Variants in GRAP2 observed in about 807,000 individuals in gnomAD.
GRAP2 encodes GRB2 related adaptor protein 2, also known as GRB2-related adapter protein 2.
In GRAP2, 31 loss-of-function variants were observed where a neutral mutation model predicts 43.5. That is an observed-to-expected ratio of 0.71 (90% CI 0.54 to 0.96). The LOEUF (loss-of-function observed/expected upper bound fraction) is 0.96, where lower values mean the gene tolerates loss of function less well. Ranked by LOEUF, GRAP2 falls within the 40% of genes least tolerant of loss-of-function variation. The probability of loss-of-function intolerance (pLI) is 0.00; values close to 1 mark genes in which losing one functional copy is unlikely to be tolerated. For missense variants in GRAP2, 371 were observed against 424.4 expected (o/e 0.87, Z 1.11); for synonymous variants, 156 against 164.8 (o/e 0.95, Z 0.41).
At chr22:39,960,290 A>G (rs544195998) in intron 4 of GRAP2, 116 bp downstream of exon 4, 458 of 991,482 alleles carry the variant, frequency 4.6e-4, no homozygotes, top group Non-Finnish European at 6.3e-4. Flanking sequence ...ATGGTGGCCT[A>G]GGGGCCAAGC....
At chr22:39,942,271 T>A (rs1379062538) in intron 1 of GRAP2, among the ~76,000 whole-genome samples, 2 of 152,144 alleles carry the variant, frequency 1.3e-5, no homozygotes, top group African/African-American at 4.8e-5. Context: ...TCAATTCGAC[T>A]GGGGGAGGCG....
At chr22:39,945,201 G>A (rs2066909768) in intron 1 of GRAP2, among the ~76,000 whole-genome samples, 1 of 152,324 alleles carries the variant, frequency 6.6e-6, no homozygotes, top group East Asian at 1.9e-4. Flanking sequence ...TGTACAAAAA[G>A]TATATTTGTG....
chr22:39,895,678 C>T, the GRAP2 span, among the ~76,000 whole-genome samples: 2 of 152,156 alleles, frequency 1.3e-5, no homozygotes, highest in African/African-American at 4.8e-5. Flanking sequence ...AATATGCATA[C>T]ATTCTACATT....
intron 4 of GRAP2, 122 bp from the exon 5 acceptor site, chr22:39,965,868 G>C (rs543434560): frequency 2.4e-6 from 2 of 845,086 alleles, no homozygotes; most frequent in Non-Finnish European, 4.0e-6. Flanking sequence ...CCAGTGATGA[G>C]TGAGTCATCC....
chr22:39,916,568 G>C (rs1259160473), intron 1 of GRAP2, among the ~76,000 whole-genome samples: 1 of 152,196 alleles, frequency 6.6e-6, no homozygotes, highest in African/African-American at 2.4e-5. Flanking sequence ...AGTTGAATAA[G>C]TTTCATTATA....
chr22:39,962,026 A>G (rs2067124702), intron 4 of GRAP2, among the ~76,000 whole-genome samples: 1 of 152,360 alleles, frequency 6.6e-6, no homozygotes, highest in Non-Finnish European at 1.5e-5. Flanking sequence ...CTTTATTTTC[A>G]TAGCTTGGAG....
At chr22:39,964,972 C>G (rs1029845985) in intron 4 of GRAP2, among the ~76,000 whole-genome samples, 13 of 152,232 alleles carry the variant, frequency 8.5e-5, no homozygotes, top group African/African-American at 2.7e-4. Context: ...ACTCAGGGTT[C>G]TGGCCTCAGC....
intron 1 of GRAP2, among the ~76,000 whole-genome samples, chr22:39,901,953 T>G (rs1318616887): frequency 6.6e-6 from 1 of 152,260 alleles, no homozygotes; most frequent in Non-Finnish European, 1.5e-5. Context: ...TTGTGTTCTT[T>G]GTCCCAACTC....
intron 1 of GRAP2, among the ~76,000 whole-genome samples, chr22:39,938,009 C>A (rs1370932750): frequency 6.6e-6 from 1 of 152,012 alleles, no homozygotes; most frequent in Non-Finnish European, 1.5e-5. Flanking sequence ...TTATATAAGC[C>A]AGACTGGCGT....
chr22:39,931,924 A>G (rs1174438855), intron 1 of GRAP2, among the ~76,000 whole-genome samples: 1 of 152,188 alleles, frequency 6.6e-6, no homozygotes, highest in Non-Finnish European at 1.5e-5. Context: ...AACACAAGAA[A>G]GGTAGAGAAA....
At chr22:39,961,769 C>A (rs957774750) in intron 4 of GRAP2, among the ~76,000 whole-genome samples, 1 of 152,182 alleles carries the variant, frequency 6.6e-6, no homozygotes, top group African/African-American at 2.4e-5. Flanking sequence ...AAGTTATTGG[C>A]AGGAAATACC....
At chr22:39,939,617 A>G (rs113128260) in intron 1 of GRAP2, among the ~76,000 whole-genome samples, 13 of 150,990 alleles carry the variant, frequency 8.6e-5, no homozygotes, top group African/African-American at 2.9e-4. Flanking sequence ...GGGAGGTCCA[A>G]TTAAGCAGAG....
At chr22:39,934,300 A>G (rs1267660304) in intron 1 of GRAP2, among the ~76,000 whole-genome samples, 1 of 152,204 alleles carries the variant, frequency 6.6e-6, no homozygotes, top group East Asian at 1.9e-4. Context: ...TGTTGATTAA[A>G]GGGTGGTCAA....
intron 4 of GRAP2, chr22:39,960,953 CTTT>C (rs138001): frequency 9.2e-5 from 12 of 131,050 alleles, no homozygotes; most frequent in Admixed American, 2.4e-4. Context: ...CCCAAGTCTT[CTTT>C]TTTTTTTTTT....
Position 39,973,351 on chromosome 22 carries a change from T to C in GRAP2, c.*2267T>C, listed in dbSNP as rs562091251. The C allele has an allele frequency of 7.9e-5, 12 of 152,184 alleles. No homozygotes were observed. The highest frequency in any genetic ancestry group is 1.3e-4 in the Non-Finnish European group (9 of 68,028). 9.4% of individuals were successfully genotyped at this position (152,184 alleles called of 1,614,324 possible). A position where few individuals can be genotyped will look rare whatever the true frequency, so the allele number is the denominator to read the frequency against. On this transcript the variant is annotated 3_prime_UTR_variant, in exon 8 of 8. Coordinates refer to ENST00000344138, the MANE Select transcript of GRAP2 (RefSeq NM_004810.4). ...AGTGTCCTTGTTTGGCCAGGCCGTGTCTGGTGTCTGCGTTGCATACCCCTC... is the reference window on the plus strand; with the variant it reads ...AGTGTCCTTGTTTGGCCAGGCCGTGCCTGGTGTCTGCGTTGCATACCCCTC...
intron 1 of GRAP2, among the ~76,000 whole-genome samples, chr22:39,903,882 C>G (rs753452251): frequency 1.3e-5 from 2 of 152,152 alleles, no homozygotes; most frequent in Non-Finnish European, 2.9e-5. Flanking sequence ...AGGCCTGGCA[C>G]TAGGCACCAA....
At chr22:39,922,252 G>A (rs957080647) in intron 1 of GRAP2, among the ~76,000 whole-genome samples, 9 of 152,186 alleles carry the variant, frequency 5.9e-5, no homozygotes, top group African/African-American at 2.2e-4. Context: ...ATGAGAAGAT[G>A]AGGCCAGGGT....
In GRAP2 at chr22:39,968,120, C is replaced by T; in HGVS notation, c.538C>T (p.Pro180Ser). 1 of 1,609,022 alleles carries T rather than the reference C, an allele frequency of 6.2e-7. No homozygotes were observed. Among genetic ancestry groups the T allele is most frequent in the Non-Finnish European group, 8.5e-7 (1 of 1,177,644 alleles). Residue 180 changes from proline (P) to serine (S), a missense_variant, in exon 6 of 8, where the codon CCT becomes TCT. Physicochemically the swap from Pro to Ser is moderately conservative, Grantham distance 74 (BLOSUM62 -1). Transcript: ENST00000344138. ...LSGAVGEEIRPSMNRKLSDHP... is the reference protein window; with the variant it reads ...LSGAVGEEIRSSMNRKLSDHP... The stretch of plus-strand genomic sequence containing the variant: ...TGGGGCTGTGGGAGAAGAAATCCGA[C>T]CTTCGATGAACCGGAAGCTGTCGGA...
At chr22:39,948,606 G>A (rs1200210927) in intron 2 of GRAP2, 1 of 151,690 alleles carries the variant, frequency 6.6e-6, no homozygotes, top group Non-Finnish European at 1.5e-5. Flanking sequence ...CTAATACTGG[G>A]AAGAATTCTC....
Sources: gnomAD v4.1 joint callset for allele counts (sites outside exome capture counted in the v4.1 genomes callset) on GRCh38, gnomAD v4.1.1 for gene constraint, MANE v1.5 for transcripts, NCBI Gene and HGNC (gene_info 2026-07-23, HGNC 2026-07-21) for gene names.